Variants in TG observed in about 807,000 individuals in gnomAD.
TG encodes the protein thyroglobulin.
TG carries 270 observed loss-of-function variants against 324.7 expected under a neutral mutation model. The ratio of observed to expected loss-of-function variants is 0.83; its 90% CI spans 0.75 to 0.92. TG has a LOEUF of 0.92. Among genes scored for constraint, TG ranks in the 40% least tolerant of loss-of-function variants. The pLI is 0.00. For missense variants in TG, 3,591 were observed against 3,456.4 expected (o/e 1.04, Z -0.98); for synonymous variants, 1,401 against 1,327.0 (o/e 1.06, Z -1.21).
intron 10 of TG, among the ~76,000 whole-genome samples, chr8:132,893,398 GTGTA>G (rs1426177373): frequency 7.1e-6 from 1 of 140,048 alleles, no homozygotes; most frequent in African/African-American, 2.7e-5. Flanking sequence ...GGGGGGTGGT[GTGTA>G]TGTGTGTGGT....
chr8:132,928,827 C>G (rs1366787439), intron 22 of TG, among the ~76,000 whole-genome samples: 1 of 152,172 alleles, frequency 6.6e-6, no homozygotes, highest in Admixed American at 6.5e-5. Context: ...TAAGGACTAA[C>G]ATTAAATTTC....
chr8:132,908,439 A>G lies in TG; in HGVS notation c.4002+99A>G, dbSNP rs563507470. ...TCACATTAACACAGAGGCTGGAGAC[A>G]GGGGCCCCATCTTCAAGTGTTTGCT... On this transcript the variant is annotated intron_variant, in intron 18 of 47. Coordinates refer to ENST00000220616, the MANE Select transcript of TG (RefSeq NM_003235.5). The G allele has an allele frequency of 9.3e-4, 275 of 294,218 alleles. 91 individuals are homozygous for G. The South Asian group carries it at 0.015, about 16-fold the overall frequency. 18.2% of individuals were successfully genotyped at this position (294,218 alleles called of 1,614,324 possible). A position where few individuals can be genotyped will look rare whatever the true frequency, so the allele number is the denominator to read the frequency against.
intron 35 of TG, chr8:132,995,247 T>C (rs1832760788): frequency 1.0e-6 from 1 of 969,994 alleles, no homozygotes; most frequent in Non-Finnish European, 1.2e-6. Flanking sequence ...ACCTACAAGT[T>C]GAGATTTGGG....
intron 13 of TG, among the ~76,000 whole-genome samples, 170 bp downstream of exon 13, chr8:132,898,416 C>A (rs1321605681): frequency 6.6e-6 from 1 of 152,204 alleles, no homozygotes; most frequent in African/African-American, 2.4e-5. Context: ...CTTGCGCTGA[C>A]CTTGGCACTT....
intron 26 of TG, among the ~76,000 whole-genome samples, chr8:132,942,056 T>G (rs1474283171): frequency 6.6e-6 from 1 of 152,222 alleles, no homozygotes; most frequent in Non-Finnish European, 1.5e-5. Flanking sequence ...AGGCCTATCA[T>G]TTTGAATAGT....
chr8:132,872,592 C>A (rs1839596151), intron 4 of TG, among the ~76,000 whole-genome samples: 1 of 151,622 alleles, frequency 6.6e-6, no homozygotes, highest in African/African-American at 2.4e-5. Context: ...TTGATAAAGT[C>A]TACAACAGTG....
chr8:132,898,152 C>A lies in TG; in HGVS notation c.3140-17C>A. On this transcript the variant is annotated splice_polypyrimidine_tract_variant and intron_variant, in intron 12 of 47. Transcript: ENST00000220616. ...CTAGTGCAATTCCTGAATGTTCTCC[C>A]CTTGGCTCTTTTCCAGGGCACTGCT... 6.3e-7 allele frequency: 1 copy of A among 1,590,032 alleles called. No individual in the cohort carries two copies. Among genetic ancestry groups the A allele is most frequent in the South Asian group, 1.1e-5 (1 of 87,158 alleles).
At chr8:132,929,019 T>G in intron 22 of TG, 57 bp from the exon 23 acceptor site, 1 of 1,424,628 alleles carries the variant, frequency 7.0e-7, no homozygotes, top group South Asian at 1.1e-5. Flanking sequence ...TTATGGCTTC[T>G]CTGCAGATGC....
At chr8:133,068,781 A>T (rs1002184714) in intron 41 of TG, among the ~76,000 whole-genome samples, 1 of 152,228 alleles carries the variant, frequency 6.6e-6, no homozygotes, top group Non-Finnish European at 1.5e-5. Context: ...CATGGAAATA[A>T]AAAGAGCCCA....
intron 2 of TG, 50 bp downstream of exon 2, chr8:132,868,273 A>C (rs1210615704): frequency 6.5e-7 from 1 of 1,539,802 alleles, no homozygotes; most frequent in East Asian, 2.3e-5. Flanking sequence ...TGCCATAAAA[A>C]GCATCTTGTG....
chr8:132,917,889 A>AT (rs71299038), intron 20 of TG, among the ~76,000 whole-genome samples: 21,468 of 138,768 alleles, frequency 0.15, 2,066 homozygotes, highest in African/African-American at 0.27. Flanking sequence ...GGTTTTTGCA[A>AT]TTTTTTTTTT....
chr8:132,893,392 GGT>G lies in TG; in HGVS notation c.2762-296_2762-295del, dbSNP rs201150713. On this transcript the variant is annotated intron_variant, in intron 10 of 47. Coordinates refer to ENST00000220616, the MANE Select transcript of TG (RefSeq NM_003235.5). ...GGTGTATATGTGTGTAGTGTGGGGGGGTGGTGTGTATGTGTGTGGTGTGGTGT... is the reference window on the plus strand; with the variant it reads ...GGTGTATATGTGTGTAGTGTGGGGGGGGTGTGTATGTGTGTGGTGTGGTGT... 6.4e-3 allele frequency among the ~76,000 whole-genome samples: 816 copies of G among 127,428 alleles called. 22 individuals carry two copies. The East Asian group carries it at 0.076, about 12-fold the overall frequency. The allele number at this position is 127,428 out of a possible 152,430, so 83.6% of individuals were successfully genotyped here. A position where few individuals can be genotyped will look rare whatever the true frequency, so the allele number is the denominator to read the frequency against.
intron 41 of TG, among the ~76,000 whole-genome samples, chr8:133,064,838 C>T (rs1842835425): frequency 6.6e-6 from 1 of 152,126 alleles, no homozygotes. Context: ...GCACCTGGTC[C>T]ATCTTGTGCT....
chr8:132,898,811 C>T lies in TG; in HGVS notation c.3231C>T (p.Cys1077=), dbSNP rs142308887. 95 of 1,613,998 alleles carry T rather than the reference C, an allele frequency of 5.9e-5. No homozygotes were observed. Among genetic ancestry groups the T allele is most frequent in the African/African-American group, 3.3e-4 (25 of 74,926 alleles). ...SLQIPQCPTT[C]EKSRTSGLLS... is the part of the protein sequence containing the mutation. Reference sequence around the variant, plus strand: ...TCTCTCCCACAGGCCCGACAACCTGCGAGAAATCTCGAACCAGTGGGCTGC... The same window carrying T: ...TCTCTCCCACAGGCCCGACAACCTGTGAGAAATCTCGAACCAGTGGGCTGC... Residue 1077 remains cysteine (C), a synonymous_variant, in exon 14 of 48, where the codon TGC becomes TGT. Coordinates refer to ENST00000220616, the MANE Select transcript of TG (RefSeq NM_003235.5).
At chr8:133,000,014 C>T (rs1833297779) in intron 35 of TG, among the ~76,000 whole-genome samples, 1 of 152,188 alleles carries the variant, frequency 6.6e-6, no homozygotes, top group South Asian at 2.1e-4. Flanking sequence ...TTAACATTCA[C>T]TCTTAATATT....
At chr8:132,907,542 T>G (rs977116476) in intron 17 of TG, among the ~76,000 whole-genome samples, 5 of 152,252 alleles carry the variant, frequency 3.3e-5, no homozygotes, top group African/African-American at 1.2e-4. Flanking sequence ...ACCAAGATTC[T>G]GGGACTGTCA....
At chr8:132,911,295 A>G (rs1341567398) in intron 18 of TG, 82 bp from the exon 19 acceptor site, 4 of 1,612,980 alleles carry the variant, frequency 2.5e-6, no homozygotes, top group Non-Finnish European at 3.4e-6. Flanking sequence ...AACATAAGCC[A>G]AGTTCTGGTT....
chr8:133,096,408 G>A, intron 43 of TG, 35 bp downstream of exon 43: 1 of 1,613,372 alleles, frequency 6.2e-7, no homozygotes, highest in Non-Finnish European at 8.5e-7. Context: ...GTCTCCAGCT[G>A]GGCATTTCCT....
chr8:133,034,101 T>G (rs7002366), intron 41 of TG, among the ~76,000 whole-genome samples: 22,781 of 152,210 alleles, frequency 0.15, 2,043 homozygotes, highest in African/African-American at 0.24. Flanking sequence ...ACCAAGATAT[T>G]CATGAGTTTT....
Sources: allele counts gnomAD v4.1 joint callset (sites outside exome capture counted in the v4.1 genomes callset), GRCh38; gene constraint gnomAD v4.1.1; transcripts MANE v1.5; gene names NCBI Gene and HGNC (gene_info 2026-07-23, HGNC 2026-07-21).